Variants in CDH18 observed in about 807,000 individuals in gnomAD.
CDH18 encodes the protein cadherin-18.
In CDH18, 31 loss-of-function variants were observed where a neutral mutation model predicts 67.9. The observed-to-expected ratio is 0.46, with a 90% confidence interval of 0.34 to 0.62. The LOEUF (loss-of-function observed/expected upper bound fraction) is 0.62, where lower values mean the gene tolerates loss of function less well. CDH18 is among the 20% of genes least tolerant of loss of function. The pLI, the probability that CDH18 is intolerant of heterozygous loss-of-function variation, is 0.01. For synonymous variants in CDH18, 362 were observed against 347.2 expected (o/e 1.04, Z -0.48); for missense variants, 890 against 975.5 (o/e 0.91, Z 1.17).
At chr5:20,249,892 A>G (rs972901761) in intron 2 of CDH18, among the ~76,000 whole-genome samples, 1 of 152,038 alleles carries the variant, frequency 6.6e-6, no homozygotes, top group Non-Finnish European at 1.5e-5. Flanking sequence ...GAAAGCCCAC[A>G]TCCTTAACTA....
At position 19,571,534 on chromosome 5, in the gene CDH18, G is replaced by A. The variant is rs201186723; in HGVS notation, c.1253+45C>T. ...TATTCAAGTTTAATTAATGTGAGAG[G>A]CAATAAAAATCTTTCTATGTCTAAA... On this transcript the variant is annotated intron_variant, in intron 8 of 12. Transcript: ENST00000382275. 2.7e-5 allele frequency: 42 copies of A among 1,535,518 alleles called. No individual in the cohort carries two copies. In the East Asian group the frequency reaches 9.1e-4, roughly 33 times the overall value.
At chr5:20,485,724 T>C (rs1332399545) in intron 1 of CDH18, among the ~76,000 whole-genome samples, 1 of 152,146 alleles carries the variant, frequency 6.6e-6, no homozygotes, top group Non-Finnish European at 1.5e-5. Flanking sequence ...TTTTGCTTCC[T>C]CTATAAGTGC....
chr5:19,902,573 G>T (rs1371073247), intron 2 of CDH18, among the ~76,000 whole-genome samples: 3 of 152,178 alleles, frequency 2.0e-5, no homozygotes, highest in Non-Finnish European at 4.4e-5. Context: ...CTCTAGATAA[G>T]GACAAGCAAC....
chr5:20,573,781 T>C (rs1254663608), intron 1 of CDH18, among the ~76,000 whole-genome samples: 2 of 139,604 alleles, frequency 1.4e-5, no homozygotes, highest in East Asian at 2.3e-4. Flanking sequence ...TTGGCATTTG[T>C]CCCCCAAATA....
chr5:19,732,898 A>G (rs1422736488), intron 4 of CDH18, among the ~76,000 whole-genome samples: 1 of 152,118 alleles, frequency 6.6e-6, no homozygotes, highest in Non-Finnish European at 1.5e-5. Context: ...CAGGCTGTCA[A>G]ACTTTAAATG....
At chr5:20,145,736 A>T (rs1315443098) in intron 2 of CDH18, among the ~76,000 whole-genome samples, 1 of 152,148 alleles carries the variant, frequency 6.6e-6, no homozygotes. Flanking sequence ...ACAATTTTTT[A>T]TGTTGACCAC....
At chr5:20,142,717 T>C (rs1750340076) in intron 2 of CDH18, among the ~76,000 whole-genome samples, 1 of 152,140 alleles carries the variant, frequency 6.6e-6, no homozygotes, top group Non-Finnish European at 1.5e-5. Flanking sequence ...GGTGACAGTC[T>C]ATAAGCCAAG....
intron 11 of CDH18, among the ~76,000 whole-genome samples, chr5:19,493,089 T>C (rs1369830393): frequency 6.6e-6 from 1 of 152,180 alleles, no homozygotes; most frequent in East Asian, 1.9e-4. Context: ...TGAAAAGTAA[T>C]CTCTGAGTCA....
At chr5:20,368,998 CT>C (rs1310209000) in intron 1 of CDH18, among the ~76,000 whole-genome samples, 1 of 152,136 alleles carries the variant, frequency 6.6e-6, no homozygotes, top group Non-Finnish European at 1.5e-5. Context: ...TTATGCTTGA[CT>C]TTTTCTTTTA....
chr5:20,191,204 C>G (rs544142973), intron 2 of CDH18, among the ~76,000 whole-genome samples: 1 of 152,062 alleles, frequency 6.6e-6, no homozygotes, highest in African/African-American at 2.4e-5. Context: ...TTGAGTTATA[C>G]GCTCTGAAGT....
At chr5:20,028,162 G>A (rs2150445976) in intron 2 of CDH18, among the ~76,000 whole-genome samples, 1 of 150,884 alleles carries the variant, frequency 6.6e-6, no homozygotes, top group South Asian at 2.1e-4. Context: ...GGCAAAAACT[G>A]AAACTACTTG....
intron 2 of CDH18, among the ~76,000 whole-genome samples, chr5:20,246,798 T>C (rs539295273): frequency 2.6e-5 from 4 of 152,222 alleles, no homozygotes; most frequent in Non-Finnish European, 5.9e-5. Flanking sequence ...ACTGGATTAT[T>C]CTAAATATTA....
At chr5:19,741,334 A>T (rs1424706242) in intron 4 of CDH18, among the ~76,000 whole-genome samples, 268 of 13,940 alleles carry the variant, frequency 0.019, 1 homozygote, top group African/African-American at 0.022. Context: ...CATGTCTCAC[A>T]CACACACACA....
intron 2 of CDH18, among the ~76,000 whole-genome samples, chr5:19,918,706 A>G (rs909587743): frequency 1.3e-5 from 2 of 152,182 alleles, no homozygotes; most frequent in Admixed American, 6.5e-5. Flanking sequence ...AAAAATGGAA[A>G]GAGATCTCAA....
intron 6 of CDH18, among the ~76,000 whole-genome samples, chr5:19,605,300 A>G (rs1747853805): frequency 6.6e-6 from 1 of 151,862 alleles, no homozygotes; most frequent in South Asian, 2.1e-4. Flanking sequence ...TATGATCTAC[A>G]GGTGTATGTG....
At chr5:19,806,807 A>T (rs1010564686) in intron 3 of CDH18, among the ~76,000 whole-genome samples, 2 of 152,202 alleles carry the variant, frequency 1.3e-5, no homozygotes, top group African/African-American at 4.8e-5. Context: ...CCAGTTGCTC[A>T]CAGAGAAGCA....
At chr5:20,252,092 T>A (rs1743901982) in intron 2 of CDH18, among the ~76,000 whole-genome samples, 1 of 152,038 alleles carries the variant, frequency 6.6e-6, no homozygotes, top group Admixed American at 6.6e-5. Context: ...CAACTGTATA[T>A]AAAAAATATT....
chr5:20,147,424 A>T (rs1580346564), intron 2 of CDH18, among the ~76,000 whole-genome samples: 1 of 152,150 alleles, frequency 6.6e-6, no homozygotes, highest in East Asian at 1.9e-4. Flanking sequence ...ATTAAAAATA[A>T]GATAAATTGA....
upstream of CDH18, among the ~76,000 whole-genome samples, chr5:19,992,452 A>C (rs1800038854): frequency 1.3e-5 from 2 of 151,508 alleles, no homozygotes; most frequent in Non-Finnish European, 2.9e-5. Flanking sequence ...CCAGACTTAA[A>C]AAAAAAAAAA....
Sources: allele counts gnomAD v4.1 joint callset (sites outside exome capture counted in the v4.1 genomes callset), GRCh38; gene constraint gnomAD v4.1.1; transcripts MANE v1.5; gene names NCBI Gene and HGNC (gene_info 2026-07-23, HGNC 2026-07-21).